ADAMTS16: variants seen among roughly 807,000 people sequenced by gnomAD.
ADAMTS16 encodes the protein A disintegrin and metalloproteinase with thrombospondin motifs 16.
Under a neutral mutation model 145.8 loss-of-function variants are expected in ADAMTS16, and 94 were observed. The observed-to-expected ratio is 0.64, with a 90% CI of 0.55 to 0.77. The LOEUF is 0.77. Ranked by LOEUF, ADAMTS16 falls within the 30% of genes least tolerant of loss-of-function variation. The pLI, the probability that ADAMTS16 is intolerant of heterozygous loss-of-function variation, is 0.00. For synonymous variants in ADAMTS16, 659 were observed against 604.3 expected (o/e 1.09, Z -1.33); for missense variants, 1,585 against 1,591.5 (o/e 1.00, Z 0.07).
Position 5,303,751 on chromosome 5 carries a change from G to A in ADAMTS16, c.3171G>A (p.Val1057=). 6.2e-7 allele frequency: 1 copy of A among 1,612,944 alleles called. No individual in the cohort carries two copies. Among genetic ancestry groups the A allele is most frequent in the Middle Eastern group, 1.9e-4 (1 of 5,232 alleles). ...AGCCCAAGAAGCTGCAGTGGCTGGT[G>A]TCCGCCTGGTCCCAGGTAGGTGCAC... ...CHKPKKLQWL[V]SAWSQCSVTC... is the part of the protein sequence containing the mutation. The change falls in exon 20 of 23, where the codon GTG becomes GTA. Residue 1057 remains valine, a synonymous_variant. Coordinates refer to ENST00000274181, the MANE Select transcript of ADAMTS16 (RefSeq NM_139056.4).
At chr5:5,231,296 A>C (rs1736914981) in intron 11 of ADAMTS16, among the ~76,000 whole-genome samples, 2 of 152,224 alleles carry the variant, frequency 1.3e-5, no homozygotes, top group Non-Finnish European at 2.9e-5. Context: ...AATTGTTCTT[A>C]CTTAAATAGC....
chr5:5,210,948 G>T (rs780863906), intron 10 of ADAMTS16, among the ~76,000 whole-genome samples: 1 of 152,072 alleles, frequency 6.6e-6, no homozygotes, highest in Non-Finnish European at 1.5e-5. Context: ...TCACTTGGTC[G>T]TAATCTATTG....
intron 3 of ADAMTS16, among the ~76,000 whole-genome samples, chr5:5,164,237 G>A (rs541683114): frequency 2.0e-5 from 3 of 152,274 alleles, no homozygotes; most frequent in East Asian, 3.9e-4. Flanking sequence ...CTTCCATTTC[G>A]GGCTGCCCTG....
intron 18 of ADAMTS16, among the ~76,000 whole-genome samples, chr5:5,265,589 G>C (rs561150968): frequency 2.0e-5 from 3 of 152,336 alleles, no homozygotes; most frequent in South Asian, 4.1e-4. Flanking sequence ...GGTTATCTTA[G>C]GGATGTAGCC....
At chr5:5,264,588 A>T (rs959929512) in intron 18 of ADAMTS16, among the ~76,000 whole-genome samples, 1 of 152,088 alleles carries the variant, frequency 6.6e-6, no homozygotes, top group Admixed American at 6.5e-5. Context: ...AAAGAGAAGG[A>T]GGTCACTTAC....
intron 3 of ADAMTS16, among the ~76,000 whole-genome samples, chr5:5,178,053 A>C (rs1735246022): frequency 6.6e-6 from 1 of 152,210 alleles, no homozygotes; most frequent in Non-Finnish European, 1.5e-5. Context: ...ATTAATACAA[A>C]TCTACCAACT....
chr5:5,281,176 C>T (rs1023372815), intron 18 of ADAMTS16, among the ~76,000 whole-genome samples: 1 of 152,186 alleles, frequency 6.6e-6, no homozygotes, highest in Non-Finnish European at 1.5e-5. Context: ...AGCTTTAAGG[C>T]TCTTCTAATC....
intron 2 of ADAMTS16, among the ~76,000 whole-genome samples, chr5:5,141,338 A>G (rs777422091): frequency 4.6e-5 from 7 of 152,224 alleles, no homozygotes; most frequent in Non-Finnish European, 7.3e-5. Context: ...ACCATCAGCA[A>G]CGTTCATATC....
At chr5:5,268,987 C>T (rs1044727894) in intron 18 of ADAMTS16, among the ~76,000 whole-genome samples, 3 of 152,160 alleles carry the variant, frequency 2.0e-5, no homozygotes, top group African/African-American at 7.2e-5. Context: ...CTTGTTAAGC[C>T]ATGCCTGCTG....
chr5:5,166,962 C>T (rs1734902572), intron 3 of ADAMTS16, among the ~76,000 whole-genome samples: 2 of 152,152 alleles, frequency 1.3e-5, no homozygotes, highest in Non-Finnish European at 2.9e-5. Flanking sequence ...TCATCAAAGC[C>T]GTCACTGAAA....
intron 21 of ADAMTS16, among the ~76,000 whole-genome samples, chr5:5,311,298 G>A (rs1740418668): frequency 1.2e-4 from 2 of 16,866 alleles, no homozygotes; most frequent in Non-Finnish European, 2.2e-4. Flanking sequence ...GTTTGACATA[G>A]GCAAAAAAAA....
intron 3 of ADAMTS16, among the ~76,000 whole-genome samples, chr5:5,169,360 G>A (rs1247359870): frequency 6.6e-6 from 1 of 152,196 alleles, no homozygotes; most frequent in Non-Finnish European, 1.5e-5. Flanking sequence ...TCCAGCGAAG[G>A]CTGAAGAGGG....
intron 17 of ADAMTS16, among the ~76,000 whole-genome samples, chr5:5,257,196 A>T (rs1343657714): frequency 1.3e-5 from 2 of 152,220 alleles, no homozygotes; most frequent in African/African-American, 4.8e-5. Context: ...GTTTGCCCTT[A>T]AGTAATACAT....
At position 5,187,791 on chromosome 5, in the gene ADAMTS16, C is replaced by G; in HGVS notation, c.1030C>G (p.Leu344Val). 1 of 1,606,096 alleles carries G rather than the reference C, an allele frequency of 6.2e-7. No individual in the cohort carries two copies. The highest frequency in any genetic ancestry group is 8.5e-7 in the Non-Finnish European group (1 of 1,172,896). Residue 344 changes from leucine (L) to valine (V), a missense_variant, in exon 6 of 23, where the codon CTT (leucine) becomes GTT (valine). Physicochemically the swap from Leu to Val is conservative, Grantham distance 32. This residue lies in a region of ADAMTS16 where 298 missense variants were observed against 367.6 expected (regional missense o/e 0.81). Coordinates refer to ENST00000274181, the MANE Select transcript of ADAMTS16 (RefSeq NM_139056.4). ...CAACATTGCAATTGTAGGTCTGATT[C>G]TTCTAGAAGATGAACAGGTAGTTTA... ...NINIAIVGLI[L>V]LEDEQPGLVI...
chr5:5,288,291 T>C (rs891679230), intron 18 of ADAMTS16, among the ~76,000 whole-genome samples: 2 of 152,168 alleles, frequency 1.3e-5, no homozygotes, highest in Non-Finnish European at 1.5e-5. Context: ...CGTGGGAAGG[T>C]CATTCATTTC....
Position 5,318,200 on chromosome 5 carries a change from G to A in ADAMTS16, c.3478G>A (p.Ala1160Thr). ...GCAGTGCCTGGCTGGGGGCCGGCCG[G>A]CCTCAGGCTGCCTCCTGCACCAGAA... ...SVQCLAGGRP[A>T]SGCLLHQKPS... Residue 1160 changes from alanine (A) to threonine (T), a missense_variant, in exon 22 of 23, where the codon GCC (alanine) becomes ACC (threonine). By Grantham distance (58) the Ala-to-Thr change is moderately conservative (BLOSUM62 0). Coordinates refer to ENST00000274181, the MANE Select transcript of ADAMTS16 (RefSeq NM_139056.4). 1 of 1,566,052 alleles carries A rather than the reference G, an allele frequency of 6.4e-7. No individual in the cohort carries two copies. Among genetic ancestry groups the A allele is most frequent in the Non-Finnish European group, 8.7e-7 (1 of 1,151,678 alleles).
chr5:5,291,018 T>C (rs1273353151), intron 18 of ADAMTS16, among the ~76,000 whole-genome samples: 2 of 152,222 alleles, frequency 1.3e-5, no homozygotes, highest in African/African-American at 4.8e-5. Context: ...TTCTGCATTC[T>C]TTCAACCTCC....
intron 9 of ADAMTS16, among the ~76,000 whole-genome samples, chr5:5,205,500 T>A (rs1736076585): frequency 6.6e-6 from 1 of 152,222 alleles, no homozygotes; most frequent in Non-Finnish European, 1.5e-5. Flanking sequence ...ATGGTTGCAA[T>A]GATTTTCCTT....
chr5:5,233,757 G>A (rs770951005), intron 12 of ADAMTS16, among the ~76,000 whole-genome samples: 2 of 152,190 alleles, frequency 1.3e-5, no homozygotes, highest in African/African-American at 4.8e-5. Context: ...GGGCGTTTAG[G>A]TTGACTCCAT....
Sources: gnomAD v4.1 joint callset for allele counts (sites outside exome capture counted in the v4.1 genomes callset) on GRCh38, gnomAD v4.1.1 for gene constraint, gnomAD v4.1.1 regional missense constraint, MANE v1.5 for transcripts, NCBI Gene and HGNC (gene_info 2026-07-23, HGNC 2026-07-21) for gene names.